The following NBAS variants were observed in gnomAD, a reference collection of about 807,000 sequenced individuals.
NBAS encodes the protein NAG/BC035112 fusion.
In NBAS, 219 loss-of-function variants were observed where a neutral mutation model predicts 302.5. The ratio of observed to expected loss-of-function variants is 0.72; its 90% CI spans 0.65 to 0.81. The LOEUF (loss-of-function observed/expected upper bound fraction) is 0.81, where lower values mean the gene tolerates loss of function less well. Among genes scored for constraint, NBAS ranks in the 30% least tolerant of loss-of-function variants. The probability of loss-of-function intolerance (pLI) is 0.00; values close to 1 mark genes in which losing one functional copy is unlikely to be tolerated. For missense variants in NBAS, 2,932 were observed against 2,841.6 expected, an observed-to-expected ratio of 1.03 and a Z score of -0.72; for synonymous variants, 1,118 against 1,021.6, an observed-to-expected ratio of 1.09 and a Z score of -1.80.
downstream of NBAS, among the ~76,000 whole-genome samples, chr2:15,164,740 C>T (rs1663973402): frequency 1.3e-5 from 2 of 152,188 alleles, no homozygotes; most frequent in South Asian, 4.1e-4. Flanking sequence ...ATTCTCAATA[C>T]CAGCACAAAG....
the NBAS span, among the ~76,000 whole-genome samples, chr2:14,858,201 C>T: frequency 1.3e-5 from 2 of 152,226 alleles, no homozygotes; most frequent in South Asian, 2.1e-4. Flanking sequence ...AACCCTTGTA[C>T]ACTGTTGGTG....
At chr2:15,089,163 G>A in the NBAS span, among the ~76,000 whole-genome samples, 8 of 152,124 alleles carry the variant, frequency 5.3e-5, no homozygotes, top group East Asian at 1.5e-3. Flanking sequence ...TCAGTTTTTT[G>A]TAGAGATAGG....
intron 21 of NBAS, among the ~76,000 whole-genome samples, chr2:15,444,069 C>G (rs1429524651): frequency 6.6e-6 from 1 of 151,654 alleles, no homozygotes; most frequent in African/African-American, 2.4e-5. Flanking sequence ...GTGAAAATGG[C>G]CATACTGCCC....
At chr2:15,235,599 T>C (rs1254397234) in intron 45 of NBAS, among the ~76,000 whole-genome samples, 2 of 152,170 alleles carry the variant, frequency 1.3e-5, no homozygotes, top group Non-Finnish European at 2.9e-5. Flanking sequence ...TTAAAGAATG[T>C]TTATTAATTT....
At chr2:15,467,598 AG>A (rs1679777914) in intron 18 of NBAS, 65 bp downstream of exon 18, 12 of 1,477,672 alleles carry the variant, frequency 8.1e-6, no homozygotes, top group African/African-American at 1.4e-5. Flanking sequence ...ATTACTAGTA[AG>A]GAACACACTG....
intron 40 of NBAS, among the ~76,000 whole-genome samples, chr2:15,298,617 T>C (rs550449526): frequency 3.0e-4 from 45 of 152,324 alleles, no homozygotes; most frequent in African/African-American, 1.1e-3. Context: ...ATTTTACTGG[T>C]TATGATTACT....
At chr2:14,922,648 T>G in the NBAS span, among the ~76,000 whole-genome samples, 13 of 152,200 alleles carry the variant, frequency 8.5e-5, no homozygotes, top group Admixed American at 2.0e-4. Context: ...AATTACCTCC[T>G]TAAAGACCCT....
At chr2:15,311,155 A>G (rs996090607) in intron 38 of NBAS, among the ~76,000 whole-genome samples, 1 of 152,248 alleles carries the variant, frequency 6.6e-6, no homozygotes, top group Non-Finnish European at 1.5e-5. Context: ...AACACCCAAT[A>G]ATCAAAGACA....
At chr2:15,553,949 T>C (rs1452072010) in intron 4 of NBAS, 112 bp downstream of exon 4, 3 of 874,914 alleles carry the variant, frequency 3.4e-6, no homozygotes, top group Non-Finnish European at 5.5e-6. Flanking sequence ...CAAAGAAATT[T>C]ACACACAATA....
the NBAS span, among the ~76,000 whole-genome samples, chr2:14,884,051 T>C: frequency 2.0e-5 from 3 of 151,998 alleles, no homozygotes; most frequent in East Asian, 5.8e-4. Flanking sequence ...GAGCAGAGCA[T>C]TGATAACTAC....
At chr2:14,896,461 T>G in the NBAS span, among the ~76,000 whole-genome samples, 4 of 152,172 alleles carry the variant, frequency 2.6e-5, no homozygotes, top group South Asian at 8.3e-4. Context: ...GCCCCCACAC[T>G]GAACAAATCT....
chr2:15,556,198 TACG>T (rs1217277747), intron 3 of NBAS, among the ~76,000 whole-genome samples: 3 of 152,228 alleles, frequency 2.0e-5, no homozygotes, highest in Non-Finnish European at 4.4e-5. Flanking sequence ...TCTGGAACTT[TACG>T]ACAAGATATC....
intron 48 of NBAS, among the ~76,000 whole-genome samples, chr2:15,216,863 T>G (rs951380810): frequency 6.6e-6 from 1 of 152,350 alleles, no homozygotes; most frequent in African/African-American, 2.4e-5. Context: ...GAAATCAGCC[T>G]CATCATCCTG....
chr2:14,866,820 T>C, the NBAS span, among the ~76,000 whole-genome samples: 1 of 152,238 alleles, frequency 6.6e-6, no homozygotes, highest in Non-Finnish European at 1.5e-5. Flanking sequence ...CCAATGTCCA[T>C]TTGAACCACA....
At chr2:15,327,418 C>T (rs376298734) in intron 38 of NBAS, among the ~76,000 whole-genome samples, 1 of 152,136 alleles carries the variant, frequency 6.6e-6, no homozygotes, top group East Asian at 1.9e-4. Flanking sequence ...GATCTACATT[C>T]TATTAAGCAT....
the NBAS span, among the ~76,000 whole-genome samples, chr2:14,903,292 A>G: frequency 6.6e-6 from 1 of 151,676 alleles, no homozygotes; most frequent in South Asian, 2.1e-4. Flanking sequence ...TACATGCTAC[A>G]TCCAGACTTT....
chr2:15,323,139 G>A (rs1671899090), intron 38 of NBAS, among the ~76,000 whole-genome samples: 1 of 152,168 alleles, frequency 6.6e-6, no homozygotes, highest in African/African-American at 2.4e-5. Context: ...AAAAGTCACT[G>A]CAAGCCCTTA....
the NBAS span, among the ~76,000 whole-genome samples, chr2:14,947,977 T>A: frequency 6.6e-6 from 1 of 152,114 alleles, no homozygotes; most frequent in Non-Finnish European, 1.5e-5. Context: ...TCCAGTTTGA[T>A]CATGGTGAGT....
the NBAS span, among the ~76,000 whole-genome samples, chr2:15,006,730 G>C: frequency 6.6e-6 from 1 of 152,092 alleles, no homozygotes; most frequent in African/African-American, 2.4e-5. Flanking sequence ...AACTTTCCAA[G>C]CACCTGCTTT....
Sources: gnomAD v4.1 joint callset for allele counts (sites outside exome capture counted in the v4.1 genomes callset) on GRCh38, gnomAD v4.1.1 for gene constraint, MANE v1.5 for transcripts, NCBI Gene and HGNC (gene_info 2026-07-23, HGNC 2026-07-21) for gene names.